The following SUGCT variants were observed in gnomAD, a reference collection of about 807,000 sequenced individuals.
SUGCT encodes the protein succinyl-CoA:glutarate CoA-transferase.
In SUGCT, 41 loss-of-function variants were observed where a neutral mutation model predicts 55.0. The observed-to-expected ratio is 0.74, with a 90% CI of 0.58 to 0.97. The LOEUF is 0.97. Ranked by LOEUF, SUGCT falls within the 50% of genes least tolerant of loss-of-function variation. SUGCT has a pLI of 0.00. For missense variants in SUGCT, 568 were observed against 547.8 expected, an observed-to-expected ratio of 1.04 and a Z score of -0.37; for synonymous variants, 187 against 200.4, an observed-to-expected ratio of 0.93 and a Z score of 0.56.
chr7:41,016,505 A>C, the SUGCT span, among the ~76,000 whole-genome samples: 1 of 152,028 alleles, frequency 6.6e-6, no homozygotes, highest in Admixed American at 6.6e-5. Context: ...CAAATTTGCT[A>C]CCCCGCCCTC....
At position 40,465,922 on chromosome 7, in the gene SUGCT, C is replaced by T. The variant is rs368174877; in HGVS notation, c.986+6724C>T. ...TTTGAGACAAGGTCTCACTCTGTCACCCAGGCTAGCGTGCGGTAGTGTGAT... is the reference window on the plus strand; with the variant it reads ...TTTGAGACAAGGTCTCACTCTGTCATCCAGGCTAGCGTGCGGTAGTGTGAT... On this transcript the variant is annotated intron_variant, in intron 11 of 13. Coordinates refer to ENST00000335693, the MANE Select transcript of SUGCT (RefSeq NM_001193313.2). Among the ~76,000 whole-genome samples the T allele has an allele frequency of 1.2e-3, 175 of 152,132 alleles. 2 individuals carry two copies. The highest frequency in any genetic ancestry group is 3.9e-3 in the African/African-American group (163 of 41,516).
the SUGCT span, among the ~76,000 whole-genome samples, chr7:40,962,610 C>CAT: frequency 8.2e-6 from 1 of 122,342 alleles, no homozygotes; most frequent in African/African-American, 3.1e-5. Flanking sequence ...CACACACACA[C>CAT]ATCAGAAAAA....
Position 40,498,981 on chromosome 7 carries a change from G to A in SUGCT, c.1089+2595G>A, listed in dbSNP as rs781757947. 14 of 417,334 alleles carry A rather than the reference G, an allele frequency of 3.4e-5. 1 individual carries two copies. The highest frequency in any genetic ancestry group is 8.4e-5 in the Admixed American group (3 of 35,666). The allele number at this position is 417,334 out of a possible 1,614,324, so 25.9% of individuals were successfully genotyped here. A position where few individuals can be genotyped will look rare whatever the true frequency, so the allele number is the denominator to read the frequency against. On this transcript the variant is annotated intron_variant, in intron 12 of 13. Transcript: ENST00000335693. Reference sequence around the variant, plus strand: ...AAAATCCTTTTATTTTTCATTTTCCGTAAAAGTTTTTTCTAAGTATGATTT... The same window carrying A: ...AAAATCCTTTTATTTTTCATTTTCCATAAAAGTTTTTTCTAAGTATGATTT...
chr7:40,563,427 T>C (rs1435175389), intron 12 of SUGCT, among the ~76,000 whole-genome samples: 3 of 152,042 alleles, frequency 2.0e-5, no homozygotes, highest in African/African-American at 7.2e-5. Flanking sequence ...TTATTTGGGC[T>C]GTGTGTGGTG....
chr7:40,894,236 A>T, the SUGCT span, among the ~76,000 whole-genome samples: 1 of 152,184 alleles, frequency 6.6e-6, no homozygotes, highest in Non-Finnish European at 1.5e-5. Flanking sequence ...GGAGAAAGGG[A>T]TCCCTATTCA....
rs149132932 is a variant in SUGCT at position 40,631,233 on chromosome 7, A to G, written c.1090-118201A>G. On this transcript the variant is annotated intron_variant, in intron 12 of 13. Coordinates refer to ENST00000335693, the MANE Select transcript of SUGCT (RefSeq NM_001193313.2). ...CTTTCAGTGATTCTGTTTTTTTTTC[A>G]GCATTATTTACGTGTAACAAGAAAC... Among the ~76,000 whole-genome samples the G allele has an allele frequency of 3.3e-3, 498 of 151,944 alleles. 3 individuals are homozygous for G. The highest frequency in any genetic ancestry group is 0.011 in the African/African-American group (475 of 41,460).
At chr7:40,987,261 G>T in the SUGCT span, among the ~76,000 whole-genome samples, 1 of 152,140 alleles carries the variant, frequency 6.6e-6, no homozygotes, top group African/African-American at 2.4e-5. Flanking sequence ...ATGGACAAAG[G>T]TATGTGGACA....
intron 1 of SUGCT, among the ~76,000 whole-genome samples, chr7:40,164,187 AAT>A (rs1342601538): frequency 4.0e-5 from 6 of 149,622 alleles, no homozygotes; most frequent in Non-Finnish European, 8.9e-5. Flanking sequence ...GCAGTGGCGC[AAT>A]ATTGGCTTGC....
intron 12 of SUGCT, among the ~76,000 whole-genome samples, chr7:40,549,335 TA>T (rs1171431897): frequency 1.3e-5 from 2 of 152,204 alleles, no homozygotes; most frequent in Admixed American, 1.3e-4. Context: ...ATATTAAAAA[TA>T]AAACTCTTTT....
chr7:40,612,585 A>G (rs1315592976), intron 12 of SUGCT, among the ~76,000 whole-genome samples: 1 of 152,172 alleles, frequency 6.6e-6, no homozygotes, highest in Non-Finnish European at 1.5e-5. Flanking sequence ...TTGGAATAGC[A>G]TCACCCTCCT....
intron 13 of SUGCT, among the ~76,000 whole-genome samples, chr7:40,830,513 G>A (rs760378958): frequency 5.3e-5 from 8 of 152,080 alleles, no homozygotes; most frequent in Non-Finnish European, 1.2e-4. Context: ...GCCTCTTTCT[G>A]GATATTTCTG....
chr7:40,527,744 T>G (rs1793879301), intron 12 of SUGCT, among the ~76,000 whole-genome samples: 1 of 152,200 alleles, frequency 6.6e-6, no homozygotes, highest in African/African-American at 2.4e-5. Context: ...AACCCTGTAA[T>G]TTTTTCATTA....
chr7:40,955,582 G>A, the SUGCT span, among the ~76,000 whole-genome samples: 1 of 152,164 alleles, frequency 6.6e-6, no homozygotes, highest in South Asian at 2.1e-4. Context: ...TCTGCAAACA[G>A]AGATAATTTG....
the SUGCT span, among the ~76,000 whole-genome samples, chr7:40,883,851 G>T: frequency 6.6e-6 from 1 of 152,100 alleles, no homozygotes; most frequent in African/African-American, 2.4e-5. Flanking sequence ...CTACTTCAGG[G>T]CATATCCCAC....
intron 9 of SUGCT, among the ~76,000 whole-genome samples, chr7:40,410,728 T>C (rs1002134886): frequency 6.6e-6 from 1 of 152,302 alleles, no homozygotes; most frequent in African/African-American, 2.4e-5. Context: ...TCTGAAGATA[T>C]CATTCTGTTG....
intron 12 of SUGCT, among the ~76,000 whole-genome samples, chr7:40,613,849 C>T (rs139689298): frequency 1.3e-5 from 2 of 152,274 alleles, no homozygotes; most frequent in African/African-American, 2.4e-5. Flanking sequence ...CGGTTTGATC[C>T]GCCCTCCTCG....
chr7:40,910,441 C>A, the SUGCT span, among the ~76,000 whole-genome samples: 1 of 152,042 alleles, frequency 6.6e-6, no homozygotes. Context: ...CAAGGCCTGC[C>A]TGTAAAAATA....
At chr7:40,969,337 T>G in the SUGCT span, among the ~76,000 whole-genome samples, 2 of 152,216 alleles carry the variant, frequency 1.3e-5, no homozygotes, top group Non-Finnish European at 2.9e-5. Flanking sequence ...GGAGGCCTAT[T>G]CCAACTGATA....
chr7:41,012,934 CT>C, the SUGCT span, among the ~76,000 whole-genome samples: 1 of 151,730 alleles, frequency 6.6e-6, no homozygotes, highest in Admixed American at 6.6e-5. Flanking sequence ...TAGTAAATTT[CT>C]GTGTAAGTGA....
Sources: allele counts gnomAD v4.1 joint callset (sites outside exome capture counted in the v4.1 genomes callset), GRCh38; gene constraint gnomAD v4.1.1; transcripts MANE v1.5; gene names NCBI Gene and HGNC (gene_info 2026-07-23, HGNC 2026-07-21).